The following KIAA1217 variants were observed in gnomAD, a reference collection of about 807,000 sequenced individuals.
The protein encoded by KIAA1217 is sickle tail protein homolog.
Under a neutral mutation model 163.9 loss-of-function variants are expected in KIAA1217, and 88 were observed. That is an observed-to-expected ratio of 0.54 (90% CI 0.45 to 0.64). The LOEUF is 0.64. KIAA1217 is among the 30% of genes least tolerant of loss of function. The pLI, the probability that KIAA1217 is intolerant of heterozygous loss-of-function variation, is 0.00. For missense variants in KIAA1217, 2,372 were observed against 2,475.0 expected (o/e 0.96, Z 0.88); for synonymous variants, 903 against 923.1 (o/e 0.98, Z 0.39).
intron 1 of KIAA1217, among the ~76,000 whole-genome samples, chr10:23,753,651 TTGAA>T (rs1480926501): frequency 1.3e-5 from 2 of 152,218 alleles, no homozygotes; most frequent in African/African-American, 4.8e-5. Flanking sequence ...CTAGTTTCTA[TTGAA>T]TGCTGGAGTA....
At chr10:24,189,608 A>G (rs1564807926) in intron 2 of KIAA1217, among the ~76,000 whole-genome samples, 1 of 152,246 alleles carries the variant, frequency 6.6e-6, no homozygotes, top group Non-Finnish European at 1.5e-5. Flanking sequence ...AAACAAATTG[A>G]TTTAATGTAA....
chr10:23,732,293 C>T (rs1838520575), intron 1 of KIAA1217, among the ~76,000 whole-genome samples: 1 of 151,948 alleles, frequency 6.6e-6, no homozygotes, highest in African/African-American at 2.4e-5. Flanking sequence ...GTTGGCCCTT[C>T]ATATCTACAG....
At position 23,865,976 on chromosome 10, in the gene KIAA1217, A is replaced by G. The variant is rs528475417; in HGVS notation, c.-320-141249A>G. Among the ~76,000 whole-genome samples the G allele has an allele frequency of 1.6e-4, 25 of 152,302 alleles. No individual in the cohort carries two copies. In the South Asian group the frequency reaches 2.5e-3, roughly 15 times the overall value. ...TAAGGAAACTTTATAATAAAGTTTT[A>G]TAGCTGGCAAAGCAAATCAACAACC... is the stretch of plus-strand genomic sequence containing the variant. On this transcript the variant is annotated intron_variant, in intron 1 of 18. Transcript: ENST00000376462.
chr10:24,449,762 A>G, intron 5 of KIAA1217: 2 of 984,756 alleles, frequency 2.0e-6, no homozygotes, highest in Non-Finnish European at 2.4e-6. Context: ...CGGAAAATGT[A>G]AGGTAAGAAC....
intron 3 of KIAA1217, among the ~76,000 whole-genome samples, chr10:24,410,000 T>TTTTC (rs1446239080): frequency 6.9e-6 from 1 of 144,934 alleles, no homozygotes; most frequent in Non-Finnish European, 1.5e-5. Flanking sequence ...CTTTTTTCTT[T>TTTTC]TTTTTTTTTT....
intron 1 of KIAA1217, among the ~76,000 whole-genome samples, chr10:23,991,302 A>G (rs1413613165): frequency 6.6e-6 from 1 of 152,162 alleles, no homozygotes; most frequent in African/African-American, 2.4e-5. Context: ...TTTTCTTGCC[A>G]TCCTGTTTCC....
At chr10:24,077,921 T>C (rs1317069974) in intron 2 of KIAA1217, among the ~76,000 whole-genome samples, 1 of 152,230 alleles carries the variant, frequency 6.6e-6, no homozygotes. Flanking sequence ...TGCTTTTGAT[T>C]TGCATTTCTC....
chr10:24,478,852 T>C (rs1294897055), intron 6 of KIAA1217, among the ~76,000 whole-genome samples: 2 of 152,270 alleles, frequency 1.3e-5, no homozygotes, highest in Non-Finnish European at 2.9e-5. Context: ...TATACTGTAA[T>C]GTAAAATACC....
chr10:23,972,219 C>T (rs569434633), intron 1 of KIAA1217, among the ~76,000 whole-genome samples: 7 of 152,226 alleles, frequency 4.6e-5, no homozygotes, highest in Non-Finnish European at 5.9e-5. Context: ...CCTCAAGGAT[C>T]GAGAACCAGA....
chr10:23,999,582 C>T (rs1353930012), intron 1 of KIAA1217, among the ~76,000 whole-genome samples: 2 of 152,124 alleles, frequency 1.3e-5, no homozygotes, highest in South Asian at 2.1e-4. Context: ...CGGAGGGAAA[C>T]GTCTGAGAAG....
intron 20 of KIAA1217, 172 bp from the exon 21 acceptor site, chr10:24,545,655 G>T: frequency 7.0e-7 from 1 of 1,423,468 alleles, no homozygotes; most frequent in Non-Finnish European, 9.1e-7. Context: ...TGTACATGGG[G>T]GGTTTCTACC....
At chr10:24,538,998 C>G (rs2074570906) in intron 17 of KIAA1217, among the ~76,000 whole-genome samples, 1 of 151,980 alleles carries the variant, frequency 6.6e-6, no homozygotes, top group African/African-American at 2.4e-5. Flanking sequence ...TCTCAAAATG[C>G]TGGGATTACA....
chr10:23,788,173 G>A (rs1835581040), intron 1 of KIAA1217, among the ~76,000 whole-genome samples: 1 of 152,148 alleles, frequency 6.6e-6, no homozygotes, highest in Admixed American at 6.5e-5. Flanking sequence ...ATTCCAGCCT[G>A]AGCAACAGGG....
chr10:24,112,578 TTTTTA>T (rs1200353757), intron 2 of KIAA1217, among the ~76,000 whole-genome samples: 9 of 151,884 alleles, frequency 5.9e-5, no homozygotes, highest in Non-Finnish European at 1.3e-4. Flanking sequence ...AGTGCTCTTT[TTTTTA>T]TTTTATTTTA....
chr10:24,270,955 A>G (rs922796926), intron 2 of KIAA1217, among the ~76,000 whole-genome samples: 5 of 152,152 alleles, frequency 3.3e-5, no homozygotes, highest in African/African-American at 9.7e-5. Flanking sequence ...ATACTTCACT[A>G]TTTATTCTGC....
At chr10:23,788,840 A>C (rs1199975050) in intron 1 of KIAA1217, among the ~76,000 whole-genome samples, 1 of 152,038 alleles carries the variant, frequency 6.6e-6, no homozygotes, top group Admixed American at 6.5e-5. Flanking sequence ...TGAAACGCTC[A>C]ATGGCACATT....
intron 2 of KIAA1217, among the ~76,000 whole-genome samples, chr10:24,297,747 C>T (rs190125879): frequency 1.3e-5 from 2 of 151,892 alleles, no homozygotes; most frequent in African/African-American, 4.8e-5. Context: ...CAGAACAAGA[C>T]TCTGTCTCAA....
chr10:24,357,419 C>T (rs1477349942), intron 2 of KIAA1217, among the ~76,000 whole-genome samples: 2 of 152,074 alleles, frequency 1.3e-5, no homozygotes, highest in South Asian at 4.1e-4. Context: ...TACCTTTGGC[C>T]GGGCCCAAGC....
chr10:24,476,774 C>A (rs75664556), intron 6 of KIAA1217, among the ~76,000 whole-genome samples: 2,916 of 152,052 alleles, frequency 0.019, 89 homozygotes, highest in African/African-American at 0.066. Flanking sequence ...ATATGTGGGC[C>A]GGTTAGATTC....
Sources: gnomAD v4.1 joint callset for allele counts (sites outside exome capture counted in the v4.1 genomes callset) on GRCh38, gnomAD v4.1.1 for gene constraint, MANE v1.5 for transcripts, NCBI Gene and HGNC (gene_info 2026-07-23, HGNC 2026-07-21) for gene names.